Variants in EYS observed in about 807,000 individuals in gnomAD.
The protein encoded by EYS is EGF-like photoreceptor maintenance factor.
Under a neutral mutation model 282.1 loss-of-function variants are expected in EYS, and 250 were observed. The ratio of observed to expected loss-of-function variants is 0.89; its 90% CI spans 0.80 to 0.98. The LOEUF (loss-of-function observed/expected upper bound fraction) is 0.98. EYS is among the 50% of genes least tolerant of loss of function. The pLI is 0.00. For synonymous variants in EYS, 1,355 were observed against 1,282.9 expected (o/e 1.06, Z -1.20); for missense variants, 4,016 against 3,709.0 (o/e 1.08, Z -2.15).
chr6:65,496,731 G>A (rs961106584), intron 2 of EYS, among the ~76,000 whole-genome samples: 3 of 151,984 alleles, frequency 2.0e-5, no homozygotes, highest in Admixed American at 6.6e-5. Flanking sequence ...CATCCAGCAG[G>A]TAAGTGGTAT....
intron 22 of EYS, among the ~76,000 whole-genome samples, chr6:64,629,778 A>T (rs1360818108): frequency 6.6e-6 from 1 of 152,140 alleles, no homozygotes; most frequent in Non-Finnish European, 1.5e-5. Flanking sequence ...GCTTTTTTCA[A>T]AAATAGTAGA....
chr6:63,831,742 C>A (rs1771644454), intron 36 of EYS, among the ~76,000 whole-genome samples: 1 of 152,178 alleles, frequency 6.6e-6, no homozygotes, highest in Non-Finnish European at 1.5e-5. Context: ...GAACTCTCCA[C>A]CCCAAATCAA....
chr6:64,296,396 A>G (rs1768988903), intron 30 of EYS, among the ~76,000 whole-genome samples: 1 of 151,846 alleles, frequency 6.6e-6, no homozygotes, highest in South Asian at 2.1e-4. Flanking sequence ...GAAAAGTAAA[A>G]CTGTTTTTCA....
At chr6:64,115,120 T>C (rs1188325654) in intron 31 of EYS, among the ~76,000 whole-genome samples, 1 of 152,236 alleles carries the variant, frequency 6.6e-6, no homozygotes, top group Non-Finnish European at 1.5e-5. Flanking sequence ...ACACTGAAGC[T>C]ACCTCTGTAG....
intron 19 of EYS, among the ~76,000 whole-genome samples, chr6:64,846,615 C>T (rs938018513): frequency 6.6e-6 from 1 of 151,964 alleles, no homozygotes; most frequent in Non-Finnish European, 1.5e-5. Context: ...AAAGCCATTT[C>T]TTAGCTTTAC....
intron 7 of EYS, among the ~76,000 whole-genome samples, chr6:65,390,098 A>T (rs1319515999): frequency 6.6e-6 from 1 of 152,010 alleles, no homozygotes; most frequent in East Asian, 1.9e-4. Flanking sequence ...AAGGTATTTC[A>T]GGGTGTGCAA....
intron 28 of EYS, among the ~76,000 whole-genome samples, chr6:64,417,018 A>C (rs1774077765): frequency 6.6e-6 from 1 of 152,176 alleles, no homozygotes. Flanking sequence ...GTCCAACTCA[A>C]GAACTCATTC....
intron 33 of EYS, among the ~76,000 whole-genome samples, chr6:64,006,929 A>G (rs1768376710): frequency 6.6e-6 from 1 of 152,108 alleles, no homozygotes; most frequent in Non-Finnish European, 1.5e-5. Flanking sequence ...ATTGATGTTC[A>G]TCGAAGATAT....
rs200534385 is a variant in EYS, at chr6:64,228,656, TA to T, written c.6424+1935del. Among the ~76,000 whole-genome samples the T allele has an allele frequency of 6.2e-3, 949 of 152,234 alleles. 3 individuals are homozygous for T. The highest frequency in any genetic ancestry group is 0.01 in the Non-Finnish European group (683 of 67,986). The stretch of plus-strand genomic sequence containing the variant: ...AAAATAGTTAAAAACTTAAGAAGTA[TA>T]AAATGATTAATAATATGAAAACATA... On this transcript the variant is annotated intron_variant, in intron 31 of 42. Coordinates refer to ENST00000503581, the MANE Select transcript of EYS (RefSeq NM_001142800.2).
intron 32 of EYS, among the ~76,000 whole-genome samples, chr6:64,070,083 T>C (rs1032528837): frequency 6.6e-6 from 1 of 152,062 alleles, no homozygotes; most frequent in Non-Finnish European, 1.5e-5. Flanking sequence ...CAAAATGTTA[T>C]GGGAAGAGGA....
intron 12 of EYS, among the ~76,000 whole-genome samples, chr6:65,282,068 G>A (rs1019872812): frequency 2.0e-5 from 3 of 151,390 alleles, no homozygotes; most frequent in African/African-American, 4.8e-5. Context: ...TGTTACAGAG[G>A]ATGGAGGATT....
chr6:65,216,900 T>C (rs191311570), intron 12 of EYS, among the ~76,000 whole-genome samples: 187 of 152,132 alleles, frequency 1.2e-3, no homozygotes, highest in Non-Finnish European at 2.1e-3. Flanking sequence ...TCTAATTCCA[T>C]TAACATGCAA....
At chr6:65,121,185 G>A (rs1775537686) in intron 12 of EYS, among the ~76,000 whole-genome samples, 1 of 151,914 alleles carries the variant, frequency 6.6e-6, no homozygotes. Context: ...TGAGCAATTC[G>A]TTTCATGTGA....
At chr6:64,084,351 A>T (rs1270531281) in intron 31 of EYS, among the ~76,000 whole-genome samples, 3 of 152,180 alleles carry the variant, frequency 2.0e-5, no homozygotes, top group Non-Finnish European at 4.4e-5. Flanking sequence ...GTAGGCAAGG[A>T]TGACTTTTCC....
At chr6:65,648,352 A>G (rs923636876) in intron 1 of EYS, among the ~76,000 whole-genome samples, 5 of 120,030 alleles carry the variant, frequency 4.2e-5, no homozygotes, top group East Asian at 8.8e-4. Flanking sequence ...GTGTGTGTGT[A>G]TACCATAGAA....
intron 2 of EYS, among the ~76,000 whole-genome samples, chr6:65,623,879 C>A (rs1009150878): frequency 4.6e-5 from 7 of 152,118 alleles, no homozygotes; most frequent in Non-Finnish European, 1.0e-4. Flanking sequence ...GCATAACTCA[C>A]CTTTCTTGAA....
At position 64,550,589 on chromosome 6, in the gene EYS, T is replaced by A. The variant is rs537211826; in HGVS notation, c.5644+39634A>T. Among the ~76,000 whole-genome samples, 27 of 152,246 alleles carry A rather than the reference T, an allele frequency of 1.8e-4. No homozygotes were observed. The South Asian group carries it at 5.6e-3, about 32-fold the overall frequency. ...CCTCTCTCACCACTCTTATTCAACA[T>A]AATGTTGGAAGTTCTGGCTAGGGCA... On this transcript the variant is annotated intron_variant, in intron 26 of 42. Transcript: ENST00000503581.
intron 12 of EYS, among the ~76,000 whole-genome samples, chr6:65,074,052 C>T (rs17410786): frequency 0.25 from 38,010 of 151,864 alleles, 5,199 homozygotes; most frequent in South Asian, 0.32. Flanking sequence ...TATAAGAGTG[C>T]ATTACCTTGT....
intron 34 of EYS, among the ~76,000 whole-genome samples, chr6:63,992,655 A>G (rs1008128169): frequency 2.0e-5 from 3 of 151,888 alleles, no homozygotes; most frequent in African/African-American, 7.2e-5. Context: ...CAAAAAAACA[A>G]AAAATGAAAT....
Sources: allele counts gnomAD v4.1 joint callset (sites outside exome capture counted in the v4.1 genomes callset), GRCh38; gene constraint gnomAD v4.1.1; transcripts MANE v1.5; gene names NCBI Gene and HGNC (gene_info 2026-07-23, HGNC 2026-07-21).